The following GPR19 variants were observed in gnomAD, a reference collection of about 807,000 sequenced individuals.
GPR19 encodes the protein probable G protein-coupled receptor 19.
Under a neutral mutation model 28.5 loss-of-function variants are expected in GPR19, and 14 were observed. That is an observed-to-expected ratio of 0.49 (90% CI 0.32 to 0.77). GPR19 has a LOEUF of 0.77. Among genes scored for constraint, GPR19 ranks in the 30% least tolerant of loss-of-function variants. The pLI, the probability that GPR19 is intolerant of heterozygous loss-of-function variation, is 0.03. For missense variants in GPR19, 409 were observed against 504.1 expected, an observed-to-expected ratio of 0.81 and a Z score of 1.81; for synonymous variants, 173 against 184.1, an observed-to-expected ratio of 0.94 and a Z score of 0.49.
At chr12:12,682,408 G>C (rs2136330428) in intron 3 of GPR19, among the ~76,000 whole-genome samples, 1 of 152,190 alleles carries the variant, frequency 6.6e-6, no homozygotes, top group East Asian at 1.9e-4. Context: ...AAATAAAACA[G>C]GCATGGACTC....
the GPR19 span, among the ~76,000 whole-genome samples, chr12:12,709,545 A>T: frequency 1.3e-5 from 2 of 152,072 alleles, no homozygotes; most frequent in Non-Finnish European, 1.5e-5. Flanking sequence ...GGCTCAAGGG[A>T]TCCTCCACCT....
chr12:12,713,094 A>C, the GPR19 span, among the ~76,000 whole-genome samples: 5 of 115,144 alleles, frequency 4.3e-5, no homozygotes, highest in African/African-American at 1.4e-4. Context: ...ACAGAGTCTC[A>C]CTCTGTCTCT....
At chr12:12,708,786 C>T in the GPR19 span, among the ~76,000 whole-genome samples, 9 of 152,206 alleles carry the variant, frequency 5.9e-5, no homozygotes, top group South Asian at 8.3e-4. Context: ...CGGTGGCTCA[C>T]GCCTGTAATC....
chr12:12,687,503 G>A (rs533050170), intron 2 of GPR19, among the ~76,000 whole-genome samples: 3 of 152,166 alleles, frequency 2.0e-5, no homozygotes, highest in Non-Finnish European at 4.4e-5. Context: ...TGGTGCAGTC[G>A]AGATGTCATG....
chr12:12,675,057 C>T (rs1218019995), intron 3 of GPR19, among the ~76,000 whole-genome samples: 1 of 152,148 alleles, frequency 6.6e-6, no homozygotes, highest in Non-Finnish European at 1.5e-5. Flanking sequence ...TGACAGATGA[C>T]AAGAGAGTCT....
At chr12:12,697,782 T>A (rs1200199292), upstream of GPR19, among the ~76,000 whole-genome samples, 1 of 152,220 alleles carries the variant, frequency 6.6e-6, no homozygotes, top group Non-Finnish European at 1.5e-5. Flanking sequence ...ACGTTCAATA[T>A]GATAAAACTC....
At chr12:12,694,782 G>A (rs913361507) in intron 2 of GPR19, among the ~76,000 whole-genome samples, 2 of 152,150 alleles carry the variant, frequency 1.3e-5, no homozygotes, top group East Asian at 1.9e-4. Context: ...ATCATATCGA[G>A]ATGTCATGCC....
the GPR19 span, among the ~76,000 whole-genome samples, chr12:12,707,008 T>TG: frequency 6.6e-6 from 1 of 152,224 alleles, no homozygotes. Flanking sequence ...GCCTTTACCA[T>TG]GGCTTATAAA....
the GPR19 span, among the ~76,000 whole-genome samples, chr12:12,705,903 A>T: frequency 6.6e-6 from 1 of 152,316 alleles, no homozygotes; most frequent in East Asian, 1.9e-4. Flanking sequence ...GAAACAGTGT[A>T]AAACCAGGCA....
At chr12:12,678,764 A>C (rs1945975485) in intron 3 of GPR19, among the ~76,000 whole-genome samples, 1 of 152,194 alleles carries the variant, frequency 6.6e-6, no homozygotes, top group Non-Finnish European at 1.5e-5. Flanking sequence ...TCCCATGAAA[A>C]GTAATGGCAA....
At position 12,661,246 on chromosome 12, in the gene GPR19, C is replaced by A. The variant is rs748483657; in HGVS notation, c.1203G>T (p.Lys401Asn). The A allele has an allele frequency of 1.2e-6, 2 of 1,612,392 alleles. No homozygotes were observed. ...DSFDREAKEK[K>N]LAWPINSNPP... ...GATTTGAGTTAATGGGCCAAGCAAG[C>A]TTTTTTTCCTTGGCTTCTCTGTCAA... Residue 401 changes from lysine (K) to asparagine (N), a missense_variant, in exon 4 of 4, where the codon AAG (lysine) becomes AAT (asparagine). Transcript: ENST00000651487. This position sits in a 1 kb window ranked among gnomAD's most constrained non-coding sequence, Gnocchi z 4.2.
the GPR19 span, among the ~76,000 whole-genome samples, chr12:12,710,714 A>T: frequency 2.0e-5 from 3 of 151,980 alleles, no homozygotes; most frequent in Non-Finnish European, 4.4e-5. Context: ...TTTTTAAAAA[A>T]TTTTTTTGTA....
chr12:12,676,110 C>A (rs1945927330), intron 3 of GPR19, among the ~76,000 whole-genome samples: 1 of 152,116 alleles, frequency 6.6e-6, no homozygotes, highest in South Asian at 2.1e-4. Flanking sequence ...TATTAGAAAA[C>A]CAAAAATCTT....
At chr12:12,693,848 G>A (rs923382463) in intron 2 of GPR19, among the ~76,000 whole-genome samples, 3 of 152,054 alleles carry the variant, frequency 2.0e-5, no homozygotes, top group Admixed American at 2.0e-4. Flanking sequence ...GATTACAAGC[G>A]CGTGCCACCA....
the GPR19 span, among the ~76,000 whole-genome samples, chr12:12,712,804 G>C: frequency 6.6e-6 from 1 of 152,028 alleles, no homozygotes; most frequent in Non-Finnish European, 1.5e-5. Flanking sequence ...AGTTGCTGGG[G>C]CTACAGGTGC....
intron 3 of GPR19, among the ~76,000 whole-genome samples, chr12:12,666,910 T>C (rs1272394068): frequency 6.6e-6 from 1 of 152,202 alleles, no homozygotes; most frequent in Admixed American, 6.5e-5. Context: ...TCAACTGCTA[T>C]ATGAAACAGA....
At chr12:12,704,347 C>T in the GPR19 span, among the ~76,000 whole-genome samples, 1 of 152,112 alleles carries the variant, frequency 6.6e-6, no homozygotes, top group Non-Finnish European at 1.5e-5. Flanking sequence ...ACTAAAAATA[C>T]AAAAGCTAGC....
At chr12:12,694,229 C>T (rs1198177340) in intron 2 of GPR19, among the ~76,000 whole-genome samples, 3 of 90,824 alleles carry the variant, frequency 3.3e-5, no homozygotes, top group East Asian at 3.3e-4. Context: ...GACGGAGTCT[C>T]GCTCTGTCGC....
At chr12:12,694,698 G>T (rs1317067027) in intron 2 of GPR19, among the ~76,000 whole-genome samples, 1 of 152,090 alleles carries the variant, frequency 6.6e-6, no homozygotes, top group African/African-American at 2.4e-5. Context: ...ATTCAGACAG[G>T]ACACACAGAG....
Sources: allele counts gnomAD v4.1 joint callset (sites outside exome capture counted in the v4.1 genomes callset), GRCh38; gene constraint gnomAD v4.1.1; non-coding constraint Gnocchi (gnomAD v3.1); transcripts MANE v1.5; gene names NCBI Gene and HGNC (gene_info 2026-07-23, HGNC 2026-07-21).